Variants in PRPF4 observed in about 807,000 individuals in gnomAD.
The protein encoded by PRPF4 is U4/U6 small nuclear ribonucleoprotein Prp4.
Under a neutral mutation model 72.2 loss-of-function variants are expected in PRPF4, and 14 were observed. The ratio of observed to expected loss-of-function variants is 0.19; its 90% CI spans 0.13 to 0.30. PRPF4 has a LOEUF of 0.30. Among genes scored for constraint, PRPF4 ranks in the 10% least tolerant of loss-of-function variants. The pLI is 1.00. For synonymous variants in PRPF4, 225 were observed against 232.2 expected (o/e 0.97, Z 0.28); for missense variants, 478 against 653.9 (o/e 0.73, Z 2.93).
chr9:113,290,977 C>G lies in PRPF4; in HGVS notation c.1333C>G (p.Pro445Ala). 6.2e-7 allele frequency: 1 copy of G among 1,614,202 alleles called. No individual in the cohort carries two copies. Among genetic ancestry groups the G allele is most frequent in the Non-Finnish European group, 8.5e-7 (1 of 1,180,022 alleles). The change falls in exon 13 of 14, where the codon CCT becomes GCT. Residue 445 changes from proline (P) to alanine (A), a missense_variant. Coordinates refer to ENST00000374198, the MANE Select transcript of PRPF4 (RefSeq NM_001244926.2). Reference protein sequence around the residue: ...LRQRRCVYTIPAHQNLVTGVK... With the variant: ...LRQRRCVYTIAAHQNLVTGVK... ...ACAGCGGCGTTGCGTCTACACCATC[C>G]CTGCTCATCAGAACTTAGTGACTGG...
At chr9:113,275,906 C>T (rs1311870269) in intron 1 of PRPF4, 136 bp downstream of exon 1, 2 of 1,184,864 alleles carry the variant, frequency 1.7e-6, no homozygotes, top group Admixed American at 2.8e-5. Flanking sequence ...TCAGCGGTGT[C>T]CTACACAGCG....
Position 113,288,218 on chromosome 9 carries a change from G to C in PRPF4, c.976G>C (p.Ala326Pro). 1 of 1,614,230 alleles carries C rather than the reference G, an allele frequency of 6.2e-7. No individual in the cohort carries two copies. The highest frequency in any genetic ancestry group is 1.3e-5 in the African/African-American group (1 of 75,062). Residue 326 changes from alanine to proline, a missense_variant, in exon 10 of 14, where the codon GCG (alanine) becomes CCG (proline). Physicochemically the swap from Ala to Pro is conservative, Grantham distance 27. Transcript: ENST00000374198. Reference sequence around the variant, plus strand: ...TATTGAAGGCCATACAGTGCGTGTGGCGCGGGTAATGTGGCATCCTTCAGG... The same window carrying C: ...TATTGAAGGCCATACAGTGCGTGTGCCGCGGGTAATGTGGCATCCTTCAGG... The part of the protein sequence containing the change: ...ADIEGHTVRV[A>P]RVMWHPSGRF...
Position 113,290,946 on chromosome 9 carries a change from C to A in PRPF4, c.1302C>A (p.Asp434Glu). ...GSGDNTCKVWDLRQRRCVYTI... is the reference protein window; with the variant it reads ...GSGDNTCKVWELRQRRCVYTI... ...GTGACAACACCTGCAAAGTGTGGGA[C>A]CTCCGACAGCGGCGTTGCGTCTACA... Residue 434 changes from aspartate to glutamate, a missense_variant, in exon 13 of 14, where the codon GAC becomes GAA. By Grantham distance (45) the Asp-to-Glu change is conservative. Coordinates refer to ENST00000374198, the MANE Select transcript of PRPF4 (RefSeq NM_001244926.2). The A allele has an allele frequency of 6.2e-7, 1 of 1,614,208 alleles. No individual in the cohort carries two copies. The highest frequency in any genetic ancestry group is 8.5e-7 in the Non-Finnish European group (1 of 1,180,038).
chr9:113,277,623 TGATCCGC>T (rs1476308556), intron 2 of PRPF4, among the ~76,000 whole-genome samples: 2 of 152,094 alleles, frequency 1.3e-5, no homozygotes, highest in Non-Finnish European at 2.9e-5. Flanking sequence ...TGACCTCAAA[TGATCCGC>T]CCACCTCGGC....
In PRPF4 at chr9:113,288,238, T is replaced by G. The variant is rs987589298; in HGVS notation, c.996T>G (p.Pro332=). The G allele has an allele frequency of 2.5e-6, 4 of 1,614,126 alleles. No individual in the cohort carries two copies. The highest frequency in any genetic ancestry group is 3.4e-6 in the Non-Finnish European group (4 of 1,180,046). ...GTGTGGCGCGGGTAATGTGGCATCC[T>G]TCAGGACGTTTCCTGGGCACCACCT... ...TVRVARVMWH[P]SGRFLGTTCY... Residue 332 remains proline (P), a synonymous_variant, in exon 10 of 14, where the codon CCT becomes CCG. Coordinates refer to ENST00000374198, the MANE Select transcript of PRPF4 (RefSeq NM_001244926.2).
At position 113,275,742 on chromosome 9, in the gene PRPF4, G is replaced by A. The variant is rs755591237; in HGVS notation, c.-2G>A. On this transcript the variant is annotated 5_prime_UTR_variant, in exon 1 of 14. Coordinates refer to ENST00000374198, the MANE Select transcript of PRPF4 (RefSeq NM_001244926.2). The stretch of plus-strand genomic sequence containing the variant: ...TGGGGCCTCGCGGCTCCAGAGCCCA[G>A]CATGGCTTCCTCGCGAGCCTCTTCC... 5.6e-6 allele frequency: 9 copies of A among 1,612,052 alleles called. No homozygotes were observed. The highest frequency in any genetic ancestry group is 7.6e-6 in the Non-Finnish European group (9 of 1,179,148).
chr9:113,276,157 A>C (rs189011559), intron 1 of PRPF4, among the ~76,000 whole-genome samples: 89 of 152,368 alleles, frequency 5.8e-4, no homozygotes, highest in African/African-American at 2.1e-3. Context: ...TAATGTTGTA[A>C]CTTGTTATCC....
In PRPF4 at chr9:113,276,940, G is replaced by T. The variant is rs183947842; in HGVS notation, c.205+215G>T. 2.1e-3 allele frequency among the ~76,000 whole-genome samples: 318 copies of T among 151,904 alleles called. 1 individual carries two copies. Among genetic ancestry groups the T allele is most frequent in the African/African-American group, 7.3e-3 (301 of 41,394 alleles). On this transcript the variant is annotated intron_variant, in intron 2 of 13. Transcript: ENST00000374198. ...AGCAGTTCTCCTGCTTCAGCCTCCC[G>T]AGTAGCTGGGATTACAGGCGCACAC...
chr9:113,285,814 G>A (rs915505734), intron 7 of PRPF4, among the ~76,000 whole-genome samples: 2 of 152,034 alleles, frequency 1.3e-5, no homozygotes, highest in African/African-American at 4.8e-5. Context: ...GCAGTGAACT[G>A]TGATCACACT....
chr9:113,286,152 T>C, intron 7 of PRPF4, 80 bp from the exon 8 acceptor site: 1 of 1,456,660 alleles, frequency 6.9e-7, no homozygotes, highest in Non-Finnish European at 9.6e-7. Flanking sequence ...GAGAAGAGAT[T>C]GTCCTTTAGT....
chr9:113,287,032 C>T (rs1202984909), intron 9 of PRPF4, among the ~76,000 whole-genome samples: 2 of 151,754 alleles, frequency 1.3e-5, no homozygotes, highest in African/African-American at 4.8e-5. Flanking sequence ...GCTTGGGTGA[C>T]AGAGCAAGAC....
rs1470877571 is a variant in PRPF4, at chr9:113,283,409, A to T, written c.581A>T (p.Glu194Val). 6.2e-7 allele frequency: 1 copy of T among 1,614,150 alleles called. No individual in the cohort carries two copies. The highest frequency in any genetic ancestry group is 1.7e-5 in the Admixed American group (1 of 60,016). The change falls in exon 6 of 14, where the codon GAG (glutamate) becomes GTG (valine). Residue 194 changes from glutamate to valine, a missense_variant. Physicochemically the swap from Glu to Val is moderately radical, Grantham distance 121 (BLOSUM62 -2). Transcript: ENST00000374198. The stretch of plus-strand genomic sequence containing the variant: ...CGCAGGGCAATGAAACGCTTGGAAG[A>T]GGCCCGACTCCATAAGGAGATTCCT... ...SLPRAMKRLE[E>V]ARLHKEIPET...
In PRPF4 at chr9:113,284,477, A is replaced by G; in HGVS notation, c.749+88A>G. On this transcript the variant is annotated intron_variant, in intron 7 of 13. Coordinates refer to ENST00000374198, the MANE Select transcript of PRPF4 (RefSeq NM_001244926.2). ...GCATTTGCGTTAGACGTCTATTTCT[A>G]CGTCCTCTTTCTCTGCTTCTCATGA... 4.6e-6 allele frequency: 5 copies of G among 1,096,280 alleles called. 1 individual carries two copies. Among genetic ancestry groups the G allele is most frequent in the South Asian group, 3.8e-5 (3 of 79,100 alleles). 67.9% of individuals were successfully genotyped at this position (1,096,280 alleles called of 1,614,324 possible).
chr9:113,279,356 T>C (rs1832204836), intron 3 of PRPF4, among the ~76,000 whole-genome samples: 1 of 90,970 alleles, frequency 1.1e-5, no homozygotes, highest in Non-Finnish European at 2.9e-5. Flanking sequence ...TTTTGTTTTG[T>C]TTTGTTTTGT....
Position 113,282,637 on chromosome 9 carries a change from T to G in PRPF4, c.393-9T>G. 1 of 1,570,676 alleles carries G rather than the reference T, an allele frequency of 6.4e-7. No homozygotes were observed. The highest frequency in any genetic ancestry group is 8.6e-7 in the Non-Finnish European group (1 of 1,158,546). ...TTTAAATTCTGATCTTTTTTTTTTT[T>G]TTTAACAGGTTAAGAAATATCCTCT... On this transcript the variant is annotated splice_polypyrimidine_tract_variant and intron_variant, in intron 3 of 13. Coordinates refer to ENST00000374198, the MANE Select transcript of PRPF4 (RefSeq NM_001244926.2).
chr9:113,283,036 C>A (rs958984147), intron 4 of PRPF4, 96 bp from the exon 5 acceptor site: 1 of 1,570,794 alleles, frequency 6.4e-7, no homozygotes, highest in African/African-American at 1.4e-5. Context: ...CGAATGAATT[C>A]ACCTTCCTTC....
At chr9:113,285,479 C>T (rs374478743) in intron 7 of PRPF4, among the ~76,000 whole-genome samples, 4 of 146,504 alleles carry the variant, frequency 2.7e-5, no homozygotes, top group South Asian at 2.2e-4. Context: ...CCTGGGTTCA[C>T]GCCATTCTCC....
chr9:113,286,700 T>C lies in PRPF4; in HGVS notation c.809-5T>C. The C allele has an allele frequency of 6.2e-7, 1 of 1,614,188 alleles. No individual in the cohort carries two copies. The highest frequency in any genetic ancestry group is 8.5e-7 in the Non-Finnish European group (1 of 1,180,016). On this transcript the variant is annotated splice_polypyrimidine_tract_variant and splice_region_variant and intron_variant, in intron 8 of 13. Transcript: ENST00000374198. ...TTTTAACTTGCATCTCTTACACTCC[T>C]TTAGGGCATAACACAAATGTAGGAG...
chr9:113,284,627 A>G (rs1172122620), intron 7 of PRPF4, among the ~76,000 whole-genome samples: 1 of 152,230 alleles, frequency 6.6e-6, no homozygotes, highest in African/African-American at 2.4e-5. Flanking sequence ...ACTCTGTCAC[A>G]TTCTTGACAC....
Sources: gnomAD v4.1 joint callset for allele counts (sites outside exome capture counted in the v4.1 genomes callset) on GRCh38, gnomAD v4.1.1 for gene constraint, MANE v1.5 for transcripts, NCBI Gene and HGNC (gene_info 2026-07-23, HGNC 2026-07-21) for gene names.